ANAPC4: variants seen among roughly 807,000 people sequenced by gnomAD.
ANAPC4 encodes anaphase-promoting complex subunit 4.
Under a neutral mutation model 119.8 loss-of-function variants are expected in ANAPC4, and 63 were observed. The ratio of observed to expected loss-of-function variants is 0.53; its 90% CI spans 0.43 to 0.65. The LOEUF is 0.65. ANAPC4 is among the 30% of genes least tolerant of loss of function. The pLI, the probability that ANAPC4 is intolerant of heterozygous loss-of-function variation, is 0.00. For missense variants in ANAPC4, 716 were observed against 945.1 expected (o/e 0.76, Z 3.18); for synonymous variants, 283 against 318.6 (o/e 0.89, Z 1.19).
rs199602455 is a variant in ANAPC4, at chr4:25,377,410, C to T, written c.-10-8C>T. On this transcript the variant is annotated splice_polypyrimidine_tract_variant and splice_region_variant and intron_variant, in intron 1 of 28. Transcript: ENST00000315368. Reference sequence around the variant, plus strand: ...TCCTGCCGGCCTCTGACTGGGGTGTCGTTGCAGGGCCGTCCCCATGTTGCG... The same window carrying T: ...TCCTGCCGGCCTCTGACTGGGGTGTTGTTGCAGGGCCGTCCCCATGTTGCG... 1.2e-6 allele frequency: 2 copies of T among 1,612,876 alleles called. No homozygotes were observed. Among genetic ancestry groups the T allele is most frequent in the Admixed American group, 1.7e-5 (1 of 59,986 alleles).
At chr4:25,411,586 C>G (rs1018685699) in intron 21 of ANAPC4, among the ~76,000 whole-genome samples, 2 of 152,102 alleles carry the variant, frequency 1.3e-5, no homozygotes, top group South Asian at 4.1e-4. Flanking sequence ...GCTGGATTTT[C>G]TGGGTTGGAA....
At chr4:25,390,576 A>G (rs975050835) in intron 8 of ANAPC4, among the ~76,000 whole-genome samples, 10 of 152,228 alleles carry the variant, frequency 6.6e-5, no homozygotes, top group African/African-American at 2.4e-4. Flanking sequence ...TGACTGTACT[A>G]TAGTTGCTAC....
At chr4:25,409,222 A>G (rs975694127) in intron 20 of ANAPC4, among the ~76,000 whole-genome samples, 3 of 152,250 alleles carry the variant, frequency 2.0e-5, no homozygotes, top group African/African-American at 7.2e-5. Context: ...TTGACAGTAC[A>G]TTGACAATGG....
At chr4:25,399,270 T>A (rs1722822179) in intron 16 of ANAPC4, among the ~76,000 whole-genome samples, 1 of 152,160 alleles carries the variant, frequency 6.6e-6, no homozygotes, top group African/African-American at 2.4e-5. Flanking sequence ...TAACCTACAG[T>A]TCAATTCCCC....
intron 21 of ANAPC4, among the ~76,000 whole-genome samples, chr4:25,411,935 G>A (rs760848048): frequency 1.6e-4 from 25 of 152,140 alleles, no homozygotes; most frequent in Non-Finnish European, 2.8e-4. Context: ...AGACCTCACA[G>A]GATAAGGATG....
chr4:25,413,893 G>T, intron 22 of ANAPC4, 151 bp downstream of exon 22: 2 of 627,130 alleles, frequency 3.2e-6, no homozygotes, highest in Non-Finnish European at 5.4e-6. Context: ...AATTTCATAT[G>T]GTTCAACCTA....
intron 16 of ANAPC4, among the ~76,000 whole-genome samples, chr4:25,399,610 C>T (rs984877488): frequency 1.3e-5 from 2 of 152,108 alleles, no homozygotes; most frequent in African/African-American, 4.8e-5. Flanking sequence ...ATCCACCCCT[C>T]TCAGTGATGT....
At chr4:25,403,067 A>G in intron 17 of ANAPC4, 41 bp downstream of exon 17, 1 of 1,430,588 alleles carries the variant, frequency 7.0e-7, no homozygotes, top group Non-Finnish European at 9.7e-7. Flanking sequence ...TAACACTTTA[A>G]AAAAATTATA....
chr4:25,383,466 A>G (rs908388400), intron 4 of ANAPC4, 73 bp downstream of exon 4: 11 of 1,401,300 alleles, frequency 7.8e-6, no homozygotes, highest in Non-Finnish European at 1.0e-5. Flanking sequence ...ACTTAGGAGT[A>G]TCTGAGTATT....
chr4:25,414,668 G>T lies in ANAPC4; in HGVS notation c.1794G>T (p.Met598Ile), dbSNP rs1413476892. Residue 598 changes from methionine to isoleucine, a missense_variant, in exon 25 of 29, where the codon ATG (methionine) becomes ATT (isoleucine). Coordinates refer to ENST00000315368, the MANE Select transcript of ANAPC4 (RefSeq NM_013367.3). The part of the protein sequence containing the change: ...FTILEDSLYK[M>I]CILRRHTDIS... Reference sequence around the variant, plus strand: ...TTCTAGAAGATTCACTTTATAAAATGTGCATCTTAAGGAGACATACTGATA... The same window carrying T: ...TTCTAGAAGATTCACTTTATAAAATTTGCATCTTAAGGAGACATACTGATA... The T allele has an allele frequency of 1.9e-6, 3 of 1,546,768 alleles. No individual in the cohort carries two copies. In the East Asian group the frequency reaches 6.8e-5, roughly 35 times the overall value.
chr4:25,415,513 A>G lies in ANAPC4; in HGVS notation c.1874A>G (p.Tyr625Cys), dbSNP rs201954140. 1.6e-4 allele frequency: 253 copies of G among 1,613,146 alleles called. No individual in the cohort carries two copies. Among genetic ancestry groups the G allele is most frequent in the Non-Finnish European group, 2.1e-4 (245 of 1,179,576 alleles). ...LIAIKFGSFT[Y>C]ATTEKVRRSI... ...GCTATTAAATTTGGGAGCTTTACAT[A>G]TGCCACAACAGAAAAAGTCAGAAGA... is the stretch of plus-strand genomic sequence containing the variant. Residue 625 changes from tyrosine (Y) to cysteine (C), a missense_variant, in exon 26 of 29, where the codon TAT (tyrosine) becomes TGT (cysteine). Physicochemically the swap from Tyr to Cys is radical, Grantham distance 194. Coordinates refer to ENST00000315368, the MANE Select transcript of ANAPC4 (RefSeq NM_013367.3).
intron 4 of ANAPC4, among the ~76,000 whole-genome samples, chr4:25,387,474 A>G (rs571021652): frequency 3.3e-5 from 5 of 152,336 alleles, no homozygotes; most frequent in Non-Finnish European, 7.3e-5. Flanking sequence ...ATCATCAGAT[A>G]ATGAAGGATT....
chr4:25,379,455 G>A lies in ANAPC4; in HGVS notation c.130-919G>A, dbSNP rs535062482. Among the ~76,000 whole-genome samples, 31 of 152,254 alleles carry A rather than the reference G, an allele frequency of 2.0e-4. No individual in the cohort carries two copies. The South Asian group carries it at 6.2e-3, about 31-fold the overall frequency. On this transcript the variant is annotated intron_variant, in intron 2 of 28. Transcript: ENST00000315368. Reference sequence around the variant, plus strand: ...GAGATTTACAAGAAGAGAAGAAATGGCATCAAGCATCAAGGAAGACACCTA... The same window carrying A: ...GAGATTTACAAGAAGAGAAGAAATGACATCAAGCATCAAGGAAGACACCTA...
intron 9 of ANAPC4, 33 bp from the exon 10 acceptor site, chr4:25,392,305 A>T: frequency 6.8e-7 from 1 of 1,462,368 alleles, no homozygotes; most frequent in Non-Finnish European, 9.6e-7. Context: ...AGTGCATCTG[A>T]TGATGACTCA....
chr4:25,390,106 T>G (rs760426798), intron 7 of ANAPC4, 30 bp from the exon 8 acceptor site: 1 of 1,462,616 alleles, frequency 6.8e-7, no homozygotes, highest in Non-Finnish European at 9.6e-7. Context: ...TGTTGATTGG[T>G]TCTCAGCTTG....
chr4:25,377,571 G>A lies in ANAPC4; in HGVS notation c.129+15G>A. On this transcript the variant is annotated intron_variant, in intron 2 of 28. Transcript: ENST00000315368. The stretch of plus-strand genomic sequence containing the variant: ...CAGCTGGCGAGGTGAGTGAGCCGGC[G>A]GGAGCCCGCCTGTGCTGGGTCTGCT... 1 of 1,598,154 alleles carries A rather than the reference G, an allele frequency of 6.3e-7. No homozygotes were observed. The highest frequency in any genetic ancestry group is 8.5e-7 in the Non-Finnish European group (1 of 1,174,896).
intron 16 of ANAPC4, among the ~76,000 whole-genome samples, chr4:25,398,924 T>C (rs554673201): frequency 4.6e-5 from 7 of 151,126 alleles, no homozygotes; most frequent in Non-Finnish European, 1.0e-4. Context: ...GAGGGCAGGT[T>C]TAGGGAGGGG....
At chr4:25,416,855 G>C (rs1372527226) in intron 27 of ANAPC4, 1 of 266,542 alleles carries the variant, frequency 3.8e-6, no homozygotes, top group South Asian at 1.3e-4. Flanking sequence ...AGTGGATAAT[G>C]GGACTTCTTT....
At chr4:25,385,390 A>G (rs1254557586) in intron 4 of ANAPC4, among the ~76,000 whole-genome samples, 1 of 152,164 alleles carries the variant, frequency 6.6e-6, no homozygotes, top group Non-Finnish European at 1.5e-5. Context: ...TCTGTTGTTG[A>G]GTGTAACCAC....
Sources: gnomAD v4.1 joint callset for allele counts (sites outside exome capture counted in the v4.1 genomes callset) on GRCh38, gnomAD v4.1.1 for gene constraint, MANE v1.5 for transcripts, NCBI Gene and HGNC (gene_info 2026-07-23, HGNC 2026-07-21) for gene names.